Variants in LOXL2 observed in about 807,000 individuals in gnomAD.
LOXL2 encodes the protein lysyl oxidase homolog 2.
Under a neutral mutation model 93.0 loss-of-function variants are expected in LOXL2, and 70 were observed. That is an observed-to-expected ratio of 0.75 (90% CI 0.62 to 0.92). The LOEUF (loss-of-function observed/expected upper bound fraction) is 0.92. LOXL2 is among the 40% of genes least tolerant of loss of function. The pLI is 0.00. For synonymous variants in LOXL2, 438 were observed against 413.2 expected, an observed-to-expected ratio of 1.06 and a Z score of -0.73; for missense variants, 973 against 1,054.9, an observed-to-expected ratio of 0.92 and a Z score of 1.08.
rs1487391068 is a variant in LOXL2 at position 23,332,485 on chromosome 8, T to C, written c.966+916A>G. On this transcript the variant is annotated intron_variant, in intron 5 of 13. Coordinates refer to ENST00000389131, the MANE Select transcript of LOXL2 (RefSeq NM_002318.3). ...CACACATACCCCCCACACACTCCCA[T>C]ACCCCCCCACTCATACACACACATA... Among the ~76,000 whole-genome samples the C allele has an allele frequency of 5.1e-4, 11 of 21,638 alleles. No individual in the cohort carries two copies. The East Asian group carries it at 0.016, about 32-fold the overall frequency. The allele number at this position is 21,638 out of a possible 152,430, so 14.2% of individuals were successfully genotyped here. A position where few individuals can be genotyped will look rare whatever the true frequency, so the allele number is the denominator to read the frequency against.
intron 3 of LOXL2, among the ~76,000 whole-genome samples, chr8:23,348,673 C>T (rs1358020632): frequency 6.6e-6 from 1 of 152,036 alleles, no homozygotes; most frequent in African/African-American, 2.4e-5. Context: ...GCCAGGAGAT[C>T]GAGACCATCC....
chr8:23,327,144 C>T (rs765009946), intron 6 of LOXL2, among the ~76,000 whole-genome samples: 7 of 152,196 alleles, frequency 4.6e-5, no homozygotes, highest in Non-Finnish European at 8.8e-5. Context: ...TTCCTTCCAA[C>T]GTCAGGGCAC....
chr8:23,346,121 A>T lies in LOXL2; in HGVS notation c.532-4918T>A, dbSNP rs200275571. Among the ~76,000 whole-genome samples the T allele has an allele frequency of 3.5e-3, 294 of 83,612 alleles. 3 individuals are homozygous for T. In the East Asian group the frequency reaches 0.063, roughly 18 times the overall value. The allele number at this position is 83,612 out of a possible 152,430, so 54.9% of individuals were successfully genotyped here. ...TAAAATAAAATAAAATAAAATTAAA[A>T]TAAAATAAAATAAAATAAAATAAAT... On this transcript the variant is annotated intron_variant, in intron 3 of 13. Transcript: ENST00000389131.
chr8:23,352,560 C>T (rs377020354), intron 3 of LOXL2, among the ~76,000 whole-genome samples: 83 of 152,258 alleles, frequency 5.5e-4, no homozygotes, highest in African/African-American at 1.9e-3. Flanking sequence ...CCCTCTGCCG[C>T]CCCCAGACAG....
At chr8:23,319,034 G>A (rs1803451863) in intron 8 of LOXL2, among the ~76,000 whole-genome samples, 1 of 152,232 alleles carries the variant, frequency 6.6e-6, no homozygotes, top group Non-Finnish European at 1.5e-5. Flanking sequence ...TGGGGAAGGA[G>A]AGCTGGAGTC....
chr8:23,374,789 A>T (rs1804560573), intron 1 of LOXL2, among the ~76,000 whole-genome samples: 1 of 152,028 alleles, frequency 6.6e-6, no homozygotes, highest in South Asian at 2.1e-4. Context: ...CTACTTTTTG[A>T]TGGGATTGTT....
intron 5 of LOXL2, among the ~76,000 whole-genome samples, chr8:23,329,335 A>T (rs990466650): frequency 6.6e-6 from 1 of 152,162 alleles, no homozygotes; most frequent in African/African-American, 2.4e-5. Flanking sequence ...CTATGCAGAG[A>T]GGGTGGAGAA....
rs574675711 is a variant in LOXL2 at position 23,324,654 on chromosome 8, G to A, written c.1151-2373C>T. Among the ~76,000 whole-genome samples the A allele has an allele frequency of 1.9e-4, 29 of 152,272 alleles. 1 individual carries two copies. In the South Asian group the frequency reaches 6.0e-3, roughly 32 times the overall value. ...CCTTCCCCGTCTCCACCTTGGCTCT[G>A]TTCTTCTCCACATACAAACCCTGGC... is the stretch of plus-strand genomic sequence containing the variant. On this transcript the variant is annotated intron_variant, in intron 6 of 13. Transcript: ENST00000389131.
intron 1 of LOXL2, among the ~76,000 whole-genome samples, chr8:23,376,521 C>T (rs1018522101): frequency 4.6e-5 from 7 of 151,616 alleles, no homozygotes; most frequent in South Asian, 2.1e-4. Flanking sequence ...ATGGTACCAG[C>T]TCCTCCTTGT....
intron 4 of LOXL2, among the ~76,000 whole-genome samples, chr8:23,338,142 C>T (rs1270674754): frequency 6.6e-6 from 1 of 152,218 alleles, no homozygotes; most frequent in Non-Finnish European, 1.5e-5. Flanking sequence ...CATCAGGTCT[C>T]ATGAGACTTA....
intron 4 of LOXL2, chr8:23,337,214 C>G (rs545676981): frequency 6.6e-6 from 1 of 152,466 alleles, no homozygotes; most frequent in Non-Finnish European, 1.5e-5. Flanking sequence ...AGGGTCAGCA[C>G]GTCCACCTTG....
chr8:23,396,834 G>C (rs1800095522), intron 1 of LOXL2, among the ~76,000 whole-genome samples: 1 of 152,198 alleles, frequency 6.6e-6, no homozygotes, highest in Admixed American at 6.5e-5. Flanking sequence ...TCTTGCTAAT[G>C]TTCTATTCTT....
chr8:23,399,398 C>T (rs180833930), intron 1 of LOXL2, among the ~76,000 whole-genome samples: 1 of 152,264 alleles, frequency 6.6e-6, no homozygotes, highest in Non-Finnish European at 1.5e-5. Flanking sequence ...AGAGGTGGGG[C>T]CTTTAAGAAG....
chr8:23,335,177 G>A (rs940037130), intron 4 of LOXL2, among the ~76,000 whole-genome samples: 10 of 152,122 alleles, frequency 6.6e-5, no homozygotes, highest in African/African-American at 1.4e-4. Context: ...TAAGGAGGCC[G>A]TGGCAGGAGA....
intron 2 of LOXL2, 41 bp downstream of exon 2, chr8:23,367,956 G>A (rs1804432238): frequency 6.5e-7 from 1 of 1,542,860 alleles, no homozygotes; most frequent in African/African-American, 1.4e-5. Flanking sequence ...TCCGGGCCTT[G>A]CCAGGTGACA....
chr8:23,404,086 A>G lies in LOXL2; in HGVS notation c.-216T>C. 4.7e-6 allele frequency: 1 copy of G among 212,598 alleles called. No homozygotes were observed. The highest frequency in any genetic ancestry group is 2.4e-5 in the African/African-American group (1 of 42,024). 13.2% of individuals were successfully genotyped at this position (212,598 alleles called of 1,614,324 possible). A position where few individuals can be genotyped will look rare whatever the true frequency, so the allele number is the denominator to read the frequency against. On this transcript the variant is annotated 5_prime_UTR_variant, in exon 1 of 14. Coordinates refer to ENST00000389131, the MANE Select transcript of LOXL2 (RefSeq NM_002318.3). ...TGGTCTCCGATGGCTGGAGAAAGCA[A>G]GCACCAAGCGTAGGTAGCCGCGCGC...
At chr8:23,399,426 C>T (rs1563212580) in intron 1 of LOXL2, among the ~76,000 whole-genome samples, 2 of 152,184 alleles carry the variant, frequency 1.3e-5, no homozygotes, top group Non-Finnish European at 2.9e-5. Context: ...ATCATGAGTG[C>T]TCTGCCCTCA....
Position 23,321,790 on chromosome 8 carries a change from C to T in LOXL2, c.1302+340G>A, listed in dbSNP as rs927849235. 19 of 244,906 alleles carry T rather than the reference C, an allele frequency of 7.8e-5. No individual in the cohort carries two copies. The Admixed American group carries it at 8.4e-4, about 11-fold the overall frequency. 15.2% of individuals were successfully genotyped at this position (244,906 alleles called of 1,614,324 possible). A position where few individuals can be genotyped will look rare whatever the true frequency, so the allele number is the denominator to read the frequency against. ...GAGAACGCCTCCAGCCAGCAGAGCA[C>T]AGCCAGGCTGCACCGTGTTTTGATA... On this transcript the variant is annotated intron_variant, in intron 7 of 13. Transcript: ENST00000389131.
At chr8:23,326,511 T>C (rs1803578944) in intron 6 of LOXL2, among the ~76,000 whole-genome samples, 1 of 152,122 alleles carries the variant, frequency 6.6e-6, no homozygotes, top group African/African-American at 2.4e-5. Flanking sequence ...CCCAGCACTT[T>C]GGGAGACCGA....
Sources: allele counts gnomAD v4.1 joint callset (sites outside exome capture counted in the v4.1 genomes callset), GRCh38; gene constraint gnomAD v4.1.1; transcripts MANE v1.5; gene names NCBI Gene and HGNC (gene_info 2026-07-23, HGNC 2026-07-21).